The following SORBS2 variants were observed in gnomAD, a reference collection of about 807,000 sequenced individuals.
SORBS2 encodes sorbin and SH3 domain-containing protein 2.
A neutral mutation model predicts 97.7 loss-of-function variants in SORBS2; 46 were observed. The ratio of observed to expected loss-of-function variants is 0.47; its 90% CI spans 0.37 to 0.60. The LOEUF is 0.60. SORBS2 is among the 20% of genes least tolerant of loss of function. The pLI is 0.00. For missense variants in SORBS2, 1,316 were observed against 1,282.3 expected (o/e 1.03, Z -0.40); for synonymous variants, 476 against 473.4 (o/e 1.01, Z -0.07).
intron 2 of SORBS2, chr4:185,771,123 G>A (rs1171476890): frequency 4.0e-5 from 6 of 150,086 alleles, no homozygotes; most frequent in Non-Finnish European, 7.4e-5. Context: ...TGGGATTATA[G>A]GTGTGCACCA....
intron 2 of SORBS2, among the ~76,000 whole-genome samples, chr4:185,752,439 C>A (rs1272807615): frequency 6.6e-6 from 1 of 152,140 alleles, no homozygotes; most frequent in Admixed American, 6.5e-5. Flanking sequence ...CCACACCCAG[C>A]TAATTTTTTG....
chr4:185,859,624 C>T (rs2099222538), intron 1 of SORBS2, among the ~76,000 whole-genome samples: 1 of 152,140 alleles, frequency 6.6e-6, no homozygotes, highest in Non-Finnish European at 1.5e-5. Flanking sequence ...GTATTCTAGA[C>T]CCTATGATAC....
chr4:185,868,149 T>TTCTTTC lies in SORBS2; in HGVS notation c.-338+88046_-338+88047insGAAAGA, dbSNP rs1561250564. On this transcript the variant is annotated intron_variant, in intron 1 of 20. Transcript: ENST00000284776. ...TACTTTCCTTTCTCTTTTCTTTTCT[T>TTCTTTC]TTTTTCTTTCTTTTTTTTTTTTTTT... 9.4e-4 allele frequency among the ~76,000 whole-genome samples: 74 copies of TTCTTTC among 78,884 alleles called. 8 individuals are homozygous for TTCTTTC. Among genetic ancestry groups the TTCTTTC allele is most frequent in the East Asian group, 4.3e-3 (9 of 2,114 alleles). 51.8% of individuals were successfully genotyped at this position (78,884 alleles called of 152,430 possible).
chr4:185,658,850 A>C (rs144215234), upstream of SORBS2, among the ~76,000 whole-genome samples: 534 of 151,746 alleles, frequency 3.5e-3, 2 homozygotes, highest in African/African-American at 0.012. Context: ...CTGTACAAAA[A>C]ATTTTTGTAC....
intron 1 of SORBS2, among the ~76,000 whole-genome samples, chr4:185,937,230 C>G (rs1386189226): frequency 6.6e-6 from 1 of 152,162 alleles, no homozygotes; most frequent in Non-Finnish European, 1.5e-5. Context: ...AGCATGTTTC[C>G]TACGCTTTGA....
chr4:185,855,270 G>C (rs1317083085), intron 1 of SORBS2, among the ~76,000 whole-genome samples: 7 of 152,146 alleles, frequency 4.6e-5, no homozygotes, highest in Non-Finnish European at 2.9e-5. Context: ...GCTGTGCATA[G>C]GGTAAATTTA....
At chr4:185,616,014 G>T (rs1474390092) in intron 9 of SORBS2, among the ~76,000 whole-genome samples, 1 of 152,160 alleles carries the variant, frequency 6.6e-6, no homozygotes, top group Non-Finnish European at 1.5e-5. Context: ...CAGGTGATTA[G>T]GTTGGTTCAT....
chr4:185,743,219 G>A (rs1054550984), intron 2 of SORBS2, among the ~76,000 whole-genome samples: 5 of 152,154 alleles, frequency 3.3e-5, no homozygotes, highest in Non-Finnish European at 5.9e-5. Flanking sequence ...AGGCAGGCTA[G>A]TTTGACAACA....
intron 1 of SORBS2, among the ~76,000 whole-genome samples, chr4:185,909,292 C>T (rs982770191): frequency 2.5e-4 from 38 of 152,258 alleles, no homozygotes; most frequent in Admixed American, 6.5e-4. Context: ...CAACTCAAAA[C>T]GTCAAATACT....
At chr4:185,863,718 A>G (rs1287412081) in intron 1 of SORBS2, among the ~76,000 whole-genome samples, 1 of 151,964 alleles carries the variant, frequency 6.6e-6, no homozygotes, top group African/African-American at 2.4e-5. Context: ...GTGTGGACCT[A>G]GGTGGAAGAT....
chr4:185,649,522 G>C, exon 3 of SORBS2: 1 of 1,604,412 alleles, frequency 6.2e-7, no homozygotes, highest in Non-Finnish European at 8.5e-7. Context: ...GGTGGAACAT[G>C]TGGGGGAGGC....
chr4:185,697,747 G>A (rs1322641988), intron 2 of SORBS2, among the ~76,000 whole-genome samples: 2 of 152,132 alleles, frequency 1.3e-5, no homozygotes, highest in Non-Finnish European at 2.9e-5. Context: ...GCCTACTCCT[G>A]CTTAATTCAA....
chr4:185,636,357 T>C (rs944681932), intron 4 of SORBS2, among the ~76,000 whole-genome samples: 3 of 152,208 alleles, frequency 2.0e-5, no homozygotes, highest in Non-Finnish European at 4.4e-5. Flanking sequence ...TTTGATTCAG[T>C]TCAATAAGCT....
At chr4:185,756,533 G>A (rs1234208433) in intron 2 of SORBS2, among the ~76,000 whole-genome samples, 1 of 152,102 alleles carries the variant, frequency 6.6e-6, no homozygotes, top group Non-Finnish European at 1.5e-5. Context: ...TGTTAATTTT[G>A]TCTGGATCTT....
At chr4:185,712,427 T>A (rs920739833) in intron 2 of SORBS2, among the ~76,000 whole-genome samples, 25 of 152,168 alleles carry the variant, frequency 1.6e-4, no homozygotes, top group Admixed American at 1.3e-3. Context: ...TTATCATCCT[T>A]CAATTTGTTT....
rs80129486 is a variant in SORBS2 at position 185,666,413 on chromosome 4, A to G, written c.-45-4171T>C. Among the ~76,000 whole-genome samples the G allele has an allele frequency of 9.2e-4, 140 of 152,310 alleles. 1 individual carries two copies. In the East Asian group the frequency reaches 0.024, roughly 26 times the overall value. On this transcript the variant is annotated intron_variant, in intron 4 of 20. Coordinates refer to the SORBS2 transcript ENST00000284776. ...AATCCAGTCGGTGTGTTTTGAAACA[A>G]GGCCGGTTTTCACACAGCACTGCAA...
intron 1 of SORBS2, among the ~76,000 whole-genome samples, chr4:185,828,439 G>A (rs1285102472): frequency 1.3e-5 from 2 of 151,922 alleles, no homozygotes; most frequent in African/African-American, 4.8e-5. Flanking sequence ...GGAGAGATGA[G>A]GGATTGTAGC....
chr4:185,672,180 C>T (rs1323336129), intron 4 of SORBS2, among the ~76,000 whole-genome samples: 2 of 152,244 alleles, frequency 1.3e-5, no homozygotes, highest in Non-Finnish European at 2.9e-5. Context: ...CTGCATTACT[C>T]TGTCCTCCTT....
At chr4:185,665,927 C>T in intron 4 of SORBS2, 10 of 1,219,014 alleles carry the variant, frequency 8.2e-6, no homozygotes, top group Non-Finnish European at 1.0e-5. Context: ...GTCAGAGAGC[C>T]TGTGTCGTGG....
Sources: allele counts gnomAD v4.1 joint callset (sites outside exome capture counted in the v4.1 genomes callset), GRCh38; gene constraint gnomAD v4.1.1; transcripts MANE v1.5; gene names NCBI Gene and HGNC (gene_info 2026-07-23, HGNC 2026-07-21).